MCF2L: variants seen among roughly 807,000 people sequenced by gnomAD.
MCF2L encodes guanine nucleotide exchange factor DBS.
MCF2L carries 97 observed loss-of-function variants against 153.4 expected under a neutral mutation model. The observed-to-expected ratio is 0.63, with a 90% CI of 0.54 to 0.75. MCF2L has a LOEUF of 0.75. Ranked by LOEUF, MCF2L falls within the 30% of genes least tolerant of loss-of-function variation. The pLI is 0.00. For synonymous variants in MCF2L, 659 were observed against 632.2 expected (o/e 1.04, Z -0.64); for missense variants, 1,347 against 1,495.2 (o/e 0.90, Z 1.64).
intron 3 of MCF2L, among the ~76,000 whole-genome samples, chr13:113,032,045 G>A (rs2085759747): frequency 6.6e-6 from 1 of 152,224 alleles, no homozygotes; most frequent in South Asian, 2.1e-4. Flanking sequence ...TTTGTGTGGT[G>A]TATGGGGAGG....
intron 1 of MCF2L, among the ~76,000 whole-genome samples, chr13:112,978,054 A>T (rs2082273382): frequency 6.6e-6 from 1 of 152,202 alleles, no homozygotes; most frequent in East Asian, 1.9e-4. Flanking sequence ...AATCTGGGGG[A>T]TAGAGCAAGA....
In MCF2L at chr13:112,904,037, G is replaced by A. The variant is rs1215103258; in HGVS notation, c.169+1666G>A. On this transcript the variant is annotated intron_variant, in intron 2 of 29. Coordinates refer to the MCF2L transcript ENST00000375608. This position sits in a 1 kb window ranked among gnomAD's most constrained non-coding sequence, Gnocchi z 4.2. ...CGCTCAGCTTGGCTGTGAATTAACT[G>A]CCCGTGGCCACTCAGAACCTCGGAC... Among the ~76,000 whole-genome samples the A allele has an allele frequency of 6.6e-6, 1 of 152,174 alleles. No homozygotes were observed. The highest frequency in any genetic ancestry group is 6.5e-5 in the Admixed American group (1 of 15,282).
At chr13:112,996,576 T>A (rs996229058) in intron 1 of MCF2L, among the ~76,000 whole-genome samples, 1 of 152,196 alleles carries the variant, frequency 6.6e-6, no homozygotes, top group African/African-American at 2.4e-5. Context: ...TGCAGTGCCC[T>A]TCAGAGGCCC....
In MCF2L at chr13:113,057,238, G is replaced by A. The variant is rs1594865455; in HGVS notation, c.370-3355G>A. 1.4e-5 allele frequency among the ~76,000 whole-genome samples: 2 copies of A among 146,750 alleles called. 1 individual carries two copies. Among genetic ancestry groups the A allele is most frequent in the African/African-American group, 5.1e-5 (2 of 39,460 alleles). On this transcript the variant is annotated intron_variant, in intron 4 of 29. Transcript: ENST00000535094. Reference sequence around the variant, plus strand: ...CTGTGTGTTTGGGTACTGAGTGGGTGCTGTGTTTAGGTGCTGTGTGTTTGG... The same window carrying A: ...CTGTGTGTTTGGGTACTGAGTGGGTACTGTGTTTAGGTGCTGTGTGTTTGG...
chr13:112,964,082 G>A (rs1408985393), intron 2 of MCF2L, among the ~76,000 whole-genome samples: 1 of 129,704 alleles, frequency 7.7e-6, no homozygotes, highest in Non-Finnish European at 1.7e-5. Context: ...ACTTGCAGGT[G>A]CACTTCGGTG....
Position 113,025,699 on chromosome 13 carries a change from C to A in MCF2L, c.278+941C>A, listed in dbSNP as rs1352630593. Among the ~76,000 whole-genome samples, 88 of 122,214 alleles carry A rather than the reference C, an allele frequency of 7.2e-4. 6 individuals are homozygous for A. Among genetic ancestry groups the A allele is most frequent in the African/African-American group, 2.6e-3 (86 of 32,720 alleles). The allele number at this position is 122,214 out of a possible 152,430, so 80.2% of individuals were successfully genotyped here. On this transcript the variant is annotated intron_variant, in intron 3 of 29. Coordinates refer to ENST00000535094, the MANE Select transcript of MCF2L (RefSeq NM_001112732.3). ...TGAGATTTCCCTGTCATGGGGTCCC[C>A]GTGACTGTGGGTCGGGGCAGAGTCC... is the stretch of plus-strand genomic sequence containing the variant.
Position 113,074,901 on chromosome 13 carries a change from C to T in MCF2L, c.1117-97C>T. ...GCAGCAGTAAACAAAGAAATCAAGACACACGTGTGCCCCGGGACACACATC... is the reference window on the plus strand; with the variant it reads ...GCAGCAGTAAACAAAGAAATCAAGATACACGTGTGCCCCGGGACACACATC... On this transcript the variant is annotated intron_variant, in intron 10 of 29. Coordinates refer to ENST00000535094, the MANE Select transcript of MCF2L (RefSeq NM_001112732.3). This position sits in a 1 kb window ranked among gnomAD's most constrained non-coding sequence, Gnocchi z 4.2. 1 of 1,104,076 alleles carries T rather than the reference C, an allele frequency of 9.1e-7. No homozygotes were observed. Among genetic ancestry groups the T allele is most frequent in the Non-Finnish European group, 1.3e-6 (1 of 767,146 alleles). 68.4% of individuals were successfully genotyped at this position (1,104,076 alleles called of 1,614,324 possible). A position where few individuals can be genotyped will look rare whatever the true frequency, so the allele number is the denominator to read the frequency against.
intron 14 of MCF2L, 38 bp downstream of exon 14, chr13:113,078,474 C>T: frequency 1.3e-6 from 2 of 1,574,028 alleles, no homozygotes; most frequent in Non-Finnish European, 1.7e-6. Flanking sequence ...ATCCACACCC[C>T]CCTCCTTGGT....
At chr13:113,052,134 C>T (rs2087378186) in intron 4 of MCF2L, among the ~76,000 whole-genome samples, 1 of 152,214 alleles carries the variant, frequency 6.6e-6, no homozygotes, top group East Asian at 1.9e-4. Flanking sequence ...AATCATTCCA[C>T]TGAGGATACC....
chr13:112,921,441 T>C (rs1440914283), intron 2 of MCF2L, among the ~76,000 whole-genome samples: 4 of 152,158 alleles, frequency 2.6e-5, no homozygotes, highest in South Asian at 2.1e-4. Flanking sequence ...GCAATAACTT[T>C]AGTAAATCAG....
intron 4 of MCF2L, among the ~76,000 whole-genome samples, chr13:113,052,990 C>A (rs1475654455): frequency 6.6e-6 from 1 of 152,072 alleles, no homozygotes; most frequent in Non-Finnish European, 1.5e-5. Flanking sequence ...ACATCACACA[C>A]AAACACACAC....
intron 2 of MCF2L, among the ~76,000 whole-genome samples, chr13:112,958,898 G>T (rs1029517848): frequency 1.3e-5 from 2 of 152,132 alleles, no homozygotes; most frequent in Non-Finnish European, 2.9e-5. Context: ...TGGGAGAGCC[G>T]TGAACACAGA....
intron 4 of MCF2L, among the ~76,000 whole-genome samples, chr13:113,047,931 C>T (rs1213537800): frequency 9.2e-5 from 14 of 152,286 alleles, no homozygotes; most frequent in South Asian, 2.1e-4. Context: ...CGCCTCGCTA[C>T]GCGTGCCCCA....
chr13:112,905,993 T>C (rs2081169089), intron 2 of MCF2L, among the ~76,000 whole-genome samples: 1 of 152,230 alleles, frequency 6.6e-6, no homozygotes, highest in Non-Finnish European at 1.5e-5. Context: ...TGCTGGGCGA[T>C]GAACAGTGTC....
intron 2 of MCF2L, among the ~76,000 whole-genome samples, chr13:112,961,526 T>C (rs2081825844): frequency 6.6e-6 from 1 of 152,226 alleles, no homozygotes; most frequent in Admixed American, 6.5e-5. Context: ...CTGGTGGGAC[T>C]GGCCCTGCCG....
chr13:113,017,019 C>A (rs2084569706), intron 2 of MCF2L, among the ~76,000 whole-genome samples: 1 of 152,212 alleles, frequency 6.6e-6, no homozygotes, highest in Non-Finnish European at 1.5e-5. Flanking sequence ...TTCTCAGGAT[C>A]CAGGTCGTAG....
At chr13:112,925,074 A>G (rs959884402) in intron 2 of MCF2L, among the ~76,000 whole-genome samples, 7 of 152,242 alleles carry the variant, frequency 4.6e-5, no homozygotes, top group African/African-American at 1.4e-4. Context: ...CACCTGGATA[A>G]GTACCAGATG....
At chr13:112,963,900 C>T (rs992200471) in intron 2 of MCF2L, among the ~76,000 whole-genome samples, 1 of 152,196 alleles carries the variant, frequency 6.6e-6, no homozygotes, top group Non-Finnish European at 1.5e-5. Flanking sequence ...TGCACGGCCA[C>T]GCCAACCACC....
chr13:113,001,624 A>AGCCTCCCTGGCCGGGGCTCAGCTGTC, intron 1 of MCF2L: 2 of 1,218,210 alleles, frequency 1.6e-6, no homozygotes, highest in Non-Finnish European at 2.1e-6. Context: ...AGGAACCTGA[A>AGCCTCCCTGGCCGGGGCTCAGCTGTC]GCCTCCCTGG....
Sources: gnomAD v4.1 joint callset for allele counts (sites outside exome capture counted in the v4.1 genomes callset) on GRCh38, gnomAD v4.1.1 for gene constraint, Gnocchi (gnomAD v3.1) non-coding constraint, MANE v1.5 for transcripts, NCBI Gene and HGNC (gene_info 2026-07-23, HGNC 2026-07-21) for gene names.